Variants in SOX5 observed in about 807,000 individuals in gnomAD.
SOX5 encodes the protein transcription factor SOX-5.
SOX5 carries 9 observed loss-of-function variants against 92.0 expected under a neutral mutation model. The ratio of observed to expected loss-of-function variants is 0.10; its 90% CI spans 0.06 to 0.17. The LOEUF is 0.17. Among genes scored for constraint, SOX5 ranks in the 10% least tolerant of loss-of-function variants. The probability of loss-of-function intolerance (pLI) is 1.00; values close to 1 mark genes in which losing one functional copy is unlikely to be tolerated. For missense variants in SOX5, 642 were observed against 944.5 expected (o/e 0.68, Z 4.20); for synonymous variants, 344 against 336.3 (o/e 1.02, Z -0.25).
chr12:24,061,075 C>A (rs1939594907), intron 4 of SOX5, among the ~76,000 whole-genome samples: 2 of 151,990 alleles, frequency 1.3e-5, no homozygotes, highest in African/African-American at 4.8e-5. Context: ...GTAATACCTG[C>A]AATTAGTAAG....
intron 6 of SOX5, among the ~76,000 whole-genome samples, chr12:23,706,803 A>G (rs2091446618): frequency 6.6e-6 from 1 of 152,008 alleles, no homozygotes; most frequent in Non-Finnish European, 1.5e-5. Flanking sequence ...TTTTCATGTC[A>G]CTATAAACTA....
At chr12:23,977,617 C>T (rs1360181813) in intron 4 of SOX5, among the ~76,000 whole-genome samples, 1 of 59,608 alleles carries the variant, frequency 1.7e-5, no homozygotes, top group Non-Finnish European at 3.5e-5. Context: ...GAGCCAAGAT[C>T]GCACCACTGC....
chr12:24,239,981 T>A (rs1965258931), intron 3 of SOX5, among the ~76,000 whole-genome samples: 1 of 152,182 alleles, frequency 6.6e-6, no homozygotes, highest in Non-Finnish European at 1.5e-5. Flanking sequence ...CAAGGCTTTA[T>A]GCTAATTTTA....
At chr12:24,049,500 T>C (rs4963740) in intron 4 of SOX5, among the ~76,000 whole-genome samples, 129,254 of 152,164 alleles carry the variant, frequency 0.85, 56,904 homozygotes, top group Non-Finnish European at 0.96. Flanking sequence ...AATATTCCAA[T>C]GAACATGGCA....
chr12:24,465,971 T>C (rs975148546), intron 1 of SOX5, among the ~76,000 whole-genome samples: 1 of 152,216 alleles, frequency 6.6e-6, no homozygotes, highest in Non-Finnish European at 1.5e-5. Context: ...AATAATACTA[T>C]GATTTATAGT....
chr12:23,843,199 G>C (rs920251762), intron 3 of SOX5, among the ~76,000 whole-genome samples: 8 of 136,216 alleles, frequency 5.9e-5, no homozygotes, highest in African/African-American at 2.0e-4. Context: ...CTGAGAAGCT[G>C]TCACAGCCAA....
At chr12:23,641,008 GC>G in intron 7 of SOX5, 111 bp from the exon 8 acceptor site, 1 of 689,300 alleles carries the variant, frequency 1.5e-6, no homozygotes, top group Non-Finnish European at 2.4e-6. Context: ...CCTTGCTGAG[GC>G]CTAATGAAAA....
intron 3 of SOX5, among the ~76,000 whole-genome samples, chr12:24,216,823 G>C (rs1338711277): frequency 6.6e-6 from 1 of 152,118 alleles, no homozygotes; most frequent in African/African-American, 2.4e-5. Context: ...AGCTACTCGG[G>C]AGGCTGAGGC....
intron 4 of SOX5, among the ~76,000 whole-genome samples, chr12:24,095,512 A>G (rs899479368): frequency 6.6e-6 from 1 of 151,896 alleles, no homozygotes; most frequent in Admixed American, 6.6e-5. Flanking sequence ...TTCCTGATAG[A>G]AAATTCCTGA....
At chr12:23,674,794 T>C (rs2085392985) in intron 6 of SOX5, among the ~76,000 whole-genome samples, 1 of 151,794 alleles carries the variant, frequency 6.6e-6, no homozygotes. Flanking sequence ...TTTCTCTATA[T>C]ATACTACTAT....
chr12:23,672,088 A>G (rs1326106981), intron 6 of SOX5, among the ~76,000 whole-genome samples: 1 of 147,324 alleles, frequency 6.8e-6, no homozygotes, highest in African/African-American at 2.5e-5. Context: ...AAAACAAAAC[A>G]AAAAAAAAAG....
chr12:23,892,226 A>G (rs893341139), intron 2 of SOX5, among the ~76,000 whole-genome samples: 3 of 152,168 alleles, frequency 2.0e-5, no homozygotes, highest in African/African-American at 7.2e-5. Context: ...ATCTAACCAA[A>G]AGCAATTTTT....
chr12:23,843,956 G>A (rs1177664181), intron 3 of SOX5, among the ~76,000 whole-genome samples: 1 of 152,172 alleles, frequency 6.6e-6, no homozygotes, highest in Non-Finnish European at 1.5e-5. Context: ...TATTTTAAAA[G>A]TACAGATGCT....
In SOX5 at chr12:24,511,816, G is replaced by T. The variant is rs547228166; in HGVS notation, c.-251+50513C>A. ...TACTAAAACTACAAAAAATTAGCCG[G>T]GCGTGGTGGCGGGTGCCTGTAGTCC... On this transcript the variant is annotated intron_variant, in intron 1 of 4. Transcript: ENST00000446891. 1.3e-3 allele frequency among the ~76,000 whole-genome samples: 194 copies of T among 152,090 alleles called. 2 individuals carry two copies. Among genetic ancestry groups the T allele is most frequent in the African/African-American group, 4.4e-3 (184 of 41,486 alleles).
intron 1 of SOX5, among the ~76,000 whole-genome samples, chr12:24,445,655 G>GT (rs1164640875): frequency 6.6e-6 from 1 of 152,200 alleles, no homozygotes; most frequent in Non-Finnish European, 1.5e-5. Context: ...CATGAAATGT[G>GT]TAACAGTCAT....
intron 6 of SOX5, among the ~76,000 whole-genome samples, chr12:23,722,792 T>G (rs1292565815): frequency 6.6e-6 from 1 of 152,194 alleles, no homozygotes; most frequent in African/African-American, 2.4e-5. Flanking sequence ...TCAGCCTGCA[T>G]TCCTTGATAA....
At chr12:24,269,937 A>T (rs6416233) in intron 3 of SOX5, among the ~76,000 whole-genome samples, 1 of 150,200 alleles carries the variant, frequency 6.7e-6, no homozygotes, top group Non-Finnish European at 1.5e-5. Context: ...TTCCTGCCTC[A>T]GTCTCCCCAA....
intron 11 of SOX5, among the ~76,000 whole-genome samples, chr12:23,555,976 G>T (rs1351990141): frequency 6.6e-6 from 1 of 152,186 alleles, no homozygotes; most frequent in Non-Finnish European, 1.5e-5. Context: ...TGTCGAGAAT[G>T]TCGATTGGAA....
chr12:24,273,795 T>C (rs1944074055), intron 3 of SOX5, among the ~76,000 whole-genome samples: 1 of 152,204 alleles, frequency 6.6e-6, no homozygotes, highest in Admixed American at 6.5e-5. Context: ...TGCCCTTTGC[T>C]TTTATAATAT....
Sources: allele counts gnomAD v4.1 joint callset (sites outside exome capture counted in the v4.1 genomes callset), GRCh38; gene constraint gnomAD v4.1.1; transcripts MANE v1.5; gene names NCBI Gene and HGNC (gene_info 2026-07-23, HGNC 2026-07-21).